The following TMEM132E variants were observed in gnomAD, a reference collection of about 807,000 sequenced individuals.
TMEM132E encodes the protein transmembrane protein 132E.
A neutral mutation model predicts 78.5 loss-of-function variants in TMEM132E; 49 were observed. The ratio of observed to expected loss-of-function variants is 0.62; its 90% CI spans 0.50 to 0.79. The LOEUF is 0.79. TMEM132E is among the 30% of genes least tolerant of loss of function. The probability of loss-of-function intolerance (pLI) is 0.00; values close to 1 mark genes in which losing one functional copy is unlikely to be tolerated. For missense variants in TMEM132E, 1,403 were observed against 1,470.9 expected (o/e 0.95, Z 0.75); for synonymous variants, 715 against 670.6 (o/e 1.07, Z -1.02).
At position 34,629,042 on chromosome 17, in the gene TMEM132E, G is replaced by T. The variant is rs758803530; in HGVS notation, c.1176G>T (p.Gln392His). 1.9e-6 allele frequency: 3 copies of T among 1,584,068 alleles called. No homozygotes were observed. Among genetic ancestry groups the T allele is most frequent in the Non-Finnish European group, 2.6e-6 (3 of 1,162,144 alleles). Residue 392 changes from glutamine (Q) to histidine (H), a missense_variant, in exon 4 of 9, where the codon CAG becomes CAT. By Grantham distance (24) the Gln-to-His change is conservative. Transcript: ENST00000631683. ...GCCAGGGCCCCTTGGAGATCTTGCA[G>T]CTGGACTTTGAAATGGAGAACTTCA... ...REGQGPLEILQLDFEMENFTS... is the reference protein window; with the variant it reads ...REGQGPLEILHLDFEMENFTS...
intron 1 of TMEM132E, among the ~76,000 whole-genome samples, chr17:34,591,391 A>G (rs979884024): frequency 6.6e-6 from 1 of 151,580 alleles, no homozygotes; most frequent in African/African-American, 2.4e-5. Context: ...TGCAGACTCA[A>G]CTTCCTGGGC....
chr17:34,583,506 G>A (rs554496454), intron 1 of TMEM132E, among the ~76,000 whole-genome samples: 22 of 152,288 alleles, frequency 1.4e-4, no homozygotes, highest in Admixed American at 7.8e-4. Context: ...TGACACCCAC[G>A]TAGCCACCCC....
chr17:34,627,467 C>CGTGTGTGCGTGCGCGCGCGCGTGTGT lies in TMEM132E; in HGVS notation c.998+417_998+418insCGTGCGCGCGCGCGTGTGTGTGTGTG, dbSNP rs1555564416. 2.0e-3 allele frequency among the ~76,000 whole-genome samples: 256 copies of CGTGTGTGCGTGCGCGCGCGCGTGTGT among 126,526 alleles called. 3 individuals are homozygous for CGTGTGTGCGTGCGCGCGCGCGTGTGT. The highest frequency in any genetic ancestry group is 7.3e-3 in the African/African-American group (242 of 33,228). 83.0% of individuals were successfully genotyped at this position (126,526 alleles called of 152,430 possible). A position where few individuals can be genotyped will look rare whatever the true frequency, so the allele number is the denominator to read the frequency against. On this transcript the variant is annotated intron_variant, in intron 2 of 8. Coordinates refer to ENST00000631683, the MANE Select transcript of TMEM132E (RefSeq NM_001304438.2). ...CCTCTTGGCTGGGAGCCAAAAGAAT[C>CGTGTGTGCGTGCGCGCGCGCGTGTGT]GTGTGTGTGTGTGTGTGTGTGTGTG...
chr17:34,626,143 C>G lies in TMEM132E; in HGVS notation c.84C>G (p.His28Gln), dbSNP rs774704736. 136 of 1,529,394 alleles carry G rather than the reference C, an allele frequency of 8.9e-5. No individual in the cohort carries two copies. The highest frequency in any genetic ancestry group is 1.1e-4 in the Non-Finnish European group (128 of 1,142,048). The allele number at this position is 1,529,394 out of a possible 1,614,324, so 94.7% of individuals were successfully genotyped here. The change falls in exon 2 of 9, where the codon CAC becomes CAG. Residue 28 changes from histidine to glutamine, a missense_variant. Physicochemically the swap from His to Gln is conservative, Grantham distance 24. Transcript: ENST00000631683. ...TGTCCCCAGCCTCTGGCCGCTCCCACCCGGCCAGCCCCAGCCCGCCGGGGC... is the reference window on the plus strand; with the variant it reads ...TGTCCCCAGCCTCTGGCCGCTCCCAGCCGGCCAGCCCCAGCCCGCCGGGGC... ...ALLAHASGRS[H>Q]PASPSPPGPQ...
Position 34,632,792 on chromosome 17 carries a change from T to G in TMEM132E, c.1571T>G (p.Leu524Arg). The G allele has an allele frequency of 6.2e-7, 1 of 1,614,178 alleles. No homozygotes were observed. The highest frequency in any genetic ancestry group is 2.2e-5 in the East Asian group (1 of 44,880). The change falls in exon 6 of 9, where the codon CTC becomes CGC. Residue 524 changes from leucine (L) to arginine (R), a missense_variant. This residue lies in a region of TMEM132E where 888 missense variants were observed against 952.8 expected (regional missense o/e 0.93). Transcript: ENST00000631683. ...AGGGTCACCTTCCGCTACGACGTCC[T>G]CAATGCTCCCCTGGAAATGACAGTC... is the stretch of plus-strand genomic sequence containing the variant. ...NARVTFRYDV[L>R]NAPLEMTVWV...
chr17:34,587,673 C>T lies in TMEM132E; in HGVS notation c.67+6530C>T, dbSNP rs191303519. Among the ~76,000 whole-genome samples the T allele has an allele frequency of 7.9e-5, 12 of 152,252 alleles. No individual in the cohort carries two copies. In the East Asian group the frequency reaches 1.2e-3, roughly 15 times the overall value. ...TAGTAGCTTGGTACAGGTGATGCAG[C>T]GGCCTTGTCATGGTGGAAGAATGGT... On this transcript the variant is annotated intron_variant, in intron 1 of 8. Coordinates refer to ENST00000631683, the MANE Select transcript of TMEM132E (RefSeq NM_001304438.2).
intron 1 of TMEM132E, among the ~76,000 whole-genome samples, chr17:34,589,699 G>T (rs747028850): frequency 2.0e-5 from 3 of 152,068 alleles, no homozygotes; most frequent in African/African-American, 4.8e-5. Context: ...GCCTGTTGCC[G>T]TTCTATGTCT....
intron 2 of TMEM132E, 51 bp from the exon 3 acceptor site, chr17:34,628,512 T>C (rs1443656858): frequency 4.4e-6 from 7 of 1,606,480 alleles, no homozygotes; most frequent in Middle Eastern, 1.7e-4. Flanking sequence ...GGCAGGCAGC[T>C]TTGGGCTGTA....
At chr17:34,615,552 T>TGTGTGTG (rs57984755) in intron 1 of TMEM132E, among the ~76,000 whole-genome samples, 21 of 149,172 alleles carry the variant, frequency 1.4e-4, no homozygotes, top group South Asian at 6.4e-4. Context: ...TGTGTGTGTG[T>TGTGTGTG]TAGCACAACC....
intron 1 of TMEM132E, among the ~76,000 whole-genome samples, chr17:34,621,572 GA>G (rs1204899373): frequency 6.6e-6 from 1 of 152,182 alleles, no homozygotes; most frequent in African/African-American, 2.4e-5. Context: ...GAGACATGGA[GA>G]AGCCCCTTTT....
intron 7 of TMEM132E, 46 bp downstream of exon 7, chr17:34,635,133 C>G (rs139484537): frequency 4.6e-6 from 7 of 1,526,630 alleles, no homozygotes; most frequent in Non-Finnish European, 6.2e-6. Flanking sequence ...TGTCGGGAGC[C>G]TTATTTACCT....
chr17:34,626,894 C>G lies in TMEM132E; in HGVS notation c.835C>G (p.Pro279Ala), dbSNP rs112533143. ...CATCGGGAGCATCAGCCTGTTCCGC[C>G]CGCCCCCCAGGAGGACCCTGCAGGA... ...LRIGSISLFR[P>A]PPRRTLQEHR... Residue 279 changes from proline to alanine, a missense_variant, in exon 2 of 9, where the codon CCG becomes GCG. Coordinates refer to ENST00000631683, the MANE Select transcript of TMEM132E (RefSeq NM_001304438.2). 5.0e-6 allele frequency: 8 copies of G among 1,612,660 alleles called. No homozygotes were observed. Among genetic ancestry groups the G allele is most frequent in the Non-Finnish European group, 6.8e-6 (8 of 1,179,936 alleles).
chr17:34,590,867 T>A (rs940752993), intron 1 of TMEM132E, among the ~76,000 whole-genome samples: 1 of 152,148 alleles, frequency 6.6e-6, no homozygotes, highest in Non-Finnish European at 1.5e-5. Flanking sequence ...AATTGGCAGA[T>A]TGGATCAATG....
At position 34,601,411 on chromosome 17, in the gene TMEM132E, T is replaced by C. The variant is rs561215881; in HGVS notation, c.67+20268T>C. The stretch of plus-strand genomic sequence containing the variant: ...CTGACTGCCCTGTCCCAGGCTGGGC[T>C]GTCTCTACTGAAGCCAGGCTGTCAG... On this transcript the variant is annotated intron_variant, in intron 1 of 8. Coordinates refer to ENST00000631683, the MANE Select transcript of TMEM132E (RefSeq NM_001304438.2). 3.9e-5 allele frequency among the ~76,000 whole-genome samples: 6 copies of C among 152,328 alleles called. No individual in the cohort carries two copies. In the South Asian group the frequency reaches 1.2e-3, roughly 32 times the overall value.
At chr17:34,628,961 C>T (rs1174209754) in intron 3 of TMEM132E, 51 bp from the exon 4 acceptor site, 5 of 1,511,122 alleles carry the variant, frequency 3.3e-6, no homozygotes, top group African/African-American at 1.4e-5. Context: ...AGCTCCTGGG[C>T]TGCTCCCAGC....
intron 5 of TMEM132E, among the ~76,000 whole-genome samples, chr17:34,630,479 T>C (rs1597691839): frequency 6.6e-6 from 1 of 152,058 alleles, no homozygotes; most frequent in Non-Finnish European, 1.5e-5. Flanking sequence ...AAACAGACAG[T>C]CAGGCCAGAG....
chr17:34,628,636 C>T lies in TMEM132E; in HGVS notation c.1072C>T (p.Leu358=), dbSNP rs199920260. The change falls in exon 3 of 9, where the codon CTG becomes TTG. Residue 358 remains leucine (L), a synonymous_variant. Transcript: ENST00000631683. ...TGGCCAGTGGCATGTGACCTCGGAG[C>T]TGCTGACTGGGGCAAAGCACTCAAC... ...RSGQWHVTSE[L]LTGAKHSTAT... is the part of the protein sequence containing the mutation. 7.6e-4 allele frequency: 1,230 copies of T among 1,613,744 alleles called. 18 individuals carry two copies. In the South Asian group the frequency reaches 0.013, roughly 16 times the overall value.
intron 1 of TMEM132E, among the ~76,000 whole-genome samples, chr17:34,603,841 T>C (rs544903105): frequency 9.8e-5 from 15 of 152,300 alleles, no homozygotes; most frequent in Non-Finnish European, 2.1e-4. Flanking sequence ...TGACCACTCG[T>C]CCACCATCTC....
Position 34,638,370 on chromosome 17 carries a change from T to A in TMEM132E, c.*138T>A, listed in dbSNP as rs941731745. On this transcript the variant is annotated 3_prime_UTR_variant, in exon 9 of 9. Coordinates refer to ENST00000631683, the MANE Select transcript of TMEM132E (RefSeq NM_001304438.2). ...TCCCTGCCCCTGCAGCTTGGCTCCG[T>A]GCGGAGCGGGCCGCCTCAGTGTCTG... 4.0e-6 allele frequency: 4 copies of A among 993,916 alleles called. No homozygotes were observed. The highest frequency in any genetic ancestry group is 4.3e-6 in the Non-Finnish European group (3 of 700,918). 61.6% of individuals were successfully genotyped at this position (993,916 alleles called of 1,614,324 possible).
Sources: gnomAD v4.1 joint callset for allele counts (sites outside exome capture counted in the v4.1 genomes callset) on GRCh38, gnomAD v4.1.1 for gene constraint, gnomAD v4.1.1 regional missense constraint, MANE v1.5 for transcripts, NCBI Gene and HGNC (gene_info 2026-07-23, HGNC 2026-07-21) for gene names.